The following SLC12A7 variants were observed in gnomAD, a reference collection of about 807,000 sequenced individuals.
SLC12A7 encodes solute carrier family 12 member 7.
Under a neutral mutation model 120.6 loss-of-function variants are expected in SLC12A7, and 100 were observed. The ratio of observed to expected loss-of-function variants is 0.83; its 90% CI spans 0.71 to 0.98. The LOEUF is 0.98. SLC12A7 is among the 50% of genes least tolerant of loss of function. The probability of loss-of-function intolerance (pLI) is 0.00; values close to 1 mark genes in which losing one functional copy is unlikely to be tolerated. For synonymous variants in SLC12A7, 760 were observed against 678.0 expected, an observed-to-expected ratio of 1.12 and a Z score of -1.88; for missense variants, 1,373 against 1,548.1, an observed-to-expected ratio of 0.89 and a Z score of 1.90.
intron 1 of SLC12A7, among the ~76,000 whole-genome samples, chr5:1,094,853 C>G: frequency 6.6e-6 from 1 of 152,154 alleles, no homozygotes; most frequent in Non-Finnish European, 1.5e-5. Context: ...GGGCCGGCGA[C>G]CCCTCCATGG....
In SLC12A7 at chr5:1,076,014, T is replaced by C. The variant is rs6866735; in HGVS notation, c.1847+124A>G. On this transcript the variant is annotated intron_variant, in intron 14 of 23. Transcript: ENST00000264930. The stretch of plus-strand genomic sequence containing the variant: ...TTCAGGCCCAGAGCAGCTGGCCTTG[T>C]AGAGGCACCCAGTGTCCCAGCCTGT... The C allele has an allele frequency of 0.98, 761,996 of 775,484 alleles. 375,513 individuals carry two copies. The highest frequency in any genetic ancestry group is 1 in the East Asian group (36,881 of 36,912). 48.0% of individuals were successfully genotyped at this position (775,484 alleles called of 1,614,324 possible).
Position 1,077,886 on chromosome 5 carries a change from C to CT in SLC12A7, c.1575_1576insA (p.Ala526SerfsTer11), listed in dbSNP as rs1333446703. 8.8e-6 allele frequency: 14 copies of CT among 1,598,000 alleles called. No individual in the cohort carries two copies. Among genetic ancestry groups the CT allele is most frequent in the Non-Finnish European group, 8.5e-6 (10 of 1,173,220 alleles). ...GCAATGGCCTGCAGTAGGCGCGGTG[C>CT]CCCCGTGAGGCTCTGCAGGCCGGCA... On this transcript the variant is annotated frameshift_variant, in exon 12 of 24. Coordinates refer to ENST00000264930, the MANE Select transcript of SLC12A7 (RefSeq NM_006598.3). LOFTEE classifies it high-confidence loss of function.
Position 1,094,267 on chromosome 5 carries a change from T to C in SLC12A7, c.125-19A>G, listed in dbSNP as rs1579413551. ...CCATCTCCTAGTGAGGGAAAAACAATTCAGAGTCAGCTTAGAAGGAACTAA... is the reference window on the plus strand; with the variant it reads ...CCATCTCCTAGTGAGGGAAAAACAACTCAGAGTCAGCTTAGAAGGAACTAA... On this transcript the variant is annotated intron_variant, in intron 1 of 23. Coordinates refer to ENST00000264930, the MANE Select transcript of SLC12A7 (RefSeq NM_006598.3). 2.5e-6 allele frequency: 4 copies of C among 1,588,392 alleles called. No homozygotes were observed. The highest frequency in any genetic ancestry group is 3.5e-6 in the Non-Finnish European group (4 of 1,157,196).
chr5:1,147,237 G>A, the SLC12A7 span, among the ~76,000 whole-genome samples: 3 of 102,454 alleles, frequency 2.9e-5, no homozygotes, highest in African/African-American at 4.9e-5. Flanking sequence ...TCCTCATCAC[G>A]GCCCACCCCG....
At chr5:1,118,323 T>C in the SLC12A7 span, among the ~76,000 whole-genome samples, 2 of 152,320 alleles carry the variant, frequency 1.3e-5, no homozygotes, top group South Asian at 2.1e-4. Context: ...GGTGAACCCA[T>C]TGGGCGGTTA....
chr5:1,061,002 A>ACCC lies in SLC12A7; in HGVS notation c.2740-552_2740-551insGGG, dbSNP rs1561034505. ...GTCTCACCCACTGCACCTGCCGTGC[A>ACCC]GGATCCCTGAGTCTCACCCGCCGCA... On this transcript the variant is annotated intron_variant, in intron 20 of 23. Coordinates refer to ENST00000264930, the MANE Select transcript of SLC12A7 (RefSeq NM_006598.3). Among the ~76,000 whole-genome samples, 264 of 132,064 alleles carry ACCC rather than the reference A, an allele frequency of 2.0e-3. 4 individuals carry two copies. The highest frequency in any genetic ancestry group is 7.6e-3 in the African/African-American group (242 of 31,826). The allele number at this position is 132,064 out of a possible 152,430, so 86.6% of individuals were successfully genotyped here.
upstream of SLC12A7, among the ~76,000 whole-genome samples, chr5:1,114,010 G>A (rs962006756): frequency 3.3e-5 from 5 of 152,226 alleles, no homozygotes; most frequent in South Asian, 2.1e-4. Flanking sequence ...CCCCAGGGCC[G>A]GCTGCCCGCC....
intron 1 of SLC12A7, among the ~76,000 whole-genome samples, chr5:1,104,073 C>T (rs1288191018): frequency 1.3e-5 from 2 of 152,194 alleles, no homozygotes; most frequent in Non-Finnish European, 2.9e-5. Flanking sequence ...CGGTCGGGGA[C>T]CCTTGGCGGC....
chr5:1,153,316 C>G, the SLC12A7 span, among the ~76,000 whole-genome samples: 6 of 152,226 alleles, frequency 3.9e-5, no homozygotes, highest in Non-Finnish European at 5.9e-5. Context: ...CCCACCTGCT[C>G]CATCCAGGAT....
chr5:1,112,135 G>T (rs1743073211), upstream of SLC12A7: 1 of 986,046 alleles, frequency 1.0e-6, no homozygotes, highest in Non-Finnish European at 1.3e-6. Context: ...TGCTTGCCCC[G>T]CGGCCCCACG....
the SLC12A7 span, among the ~76,000 whole-genome samples, chr5:1,133,820 A>C: frequency 6.6e-6 from 1 of 152,004 alleles, no homozygotes; most frequent in African/African-American, 2.4e-5. Flanking sequence ...TTTCCCAGTA[A>C]TCCCAGGGGA....
chr5:1,060,050 G>C (rs1034240622), intron 21 of SLC12A7, among the ~76,000 whole-genome samples: 1 of 152,232 alleles, frequency 6.6e-6, no homozygotes, highest in Non-Finnish European at 1.5e-5. Context: ...TAAGTTCAAA[G>C]GTCTCGGCCC....
At chr5:1,089,855 A>G (rs1363071064) in intron 3 of SLC12A7, among the ~76,000 whole-genome samples, 3 of 151,904 alleles carry the variant, frequency 2.0e-5, no homozygotes, top group Non-Finnish European at 4.4e-5. Flanking sequence ...TCCACTCGGG[A>G]CGGGCCAGGC....
chr5:1,091,511 G>A (rs1177711345), intron 3 of SLC12A7, among the ~76,000 whole-genome samples: 2 of 152,212 alleles, frequency 1.3e-5, no homozygotes, highest in African/African-American at 4.8e-5. Flanking sequence ...ACAAACTCCA[G>A]CACACAGGCG....
At chr5:1,066,528 C>G (rs4975566) in intron 17 of SLC12A7, among the ~76,000 whole-genome samples, 143,711 of 152,242 alleles carry the variant, frequency 0.94, 68,409 homozygotes, top group East Asian at 1. Flanking sequence ...TTGAATAGTG[C>G]CCCCAAAAAA....
intron 1 of SLC12A7, among the ~76,000 whole-genome samples, chr5:1,109,526 C>A (rs1000015587): frequency 1.3e-5 from 2 of 152,228 alleles, no homozygotes; most frequent in Non-Finnish European, 1.5e-5. Flanking sequence ...GACAGGACGC[C>A]TCCCGCAGAG....
the SLC12A7 span, among the ~76,000 whole-genome samples, chr5:1,127,505 A>G: frequency 6.6e-6 from 1 of 152,338 alleles, no homozygotes; most frequent in African/African-American, 2.4e-5. Context: ...CCACACCTGG[A>G]CTTCAGATTT....
chr5:1,135,051 C>A, the SLC12A7 span, among the ~76,000 whole-genome samples: 1 of 151,822 alleles, frequency 6.6e-6, no homozygotes, highest in African/African-American at 2.4e-5. Context: ...CGCTTGAACC[C>A]GGGAGGCAGA....
intron 6 of SLC12A7, among the ~76,000 whole-genome samples, chr5:1,085,943 G>A (rs1739821100): frequency 1.3e-5 from 2 of 152,366 alleles, no homozygotes; most frequent in South Asian, 4.1e-4. Flanking sequence ...CCGGCGGGGG[G>A]CAACCTCTGT....
Sources: allele counts gnomAD v4.1 joint callset (sites outside exome capture counted in the v4.1 genomes callset), GRCh38; gene constraint gnomAD v4.1.1; transcripts MANE v1.5; gene names NCBI Gene and HGNC (gene_info 2026-07-23, HGNC 2026-07-21).